Variants in SVEP1 observed in about 807,000 individuals in gnomAD.
SVEP1 encodes the protein sushi, von Willebrand factor type A, EGF and pentraxin domain containing 1.
In SVEP1, 164 loss-of-function variants were observed where a neutral mutation model predicts 367.3. That is an observed-to-expected ratio of 0.45 (90% CI 0.39 to 0.51). The LOEUF (loss-of-function observed/expected upper bound fraction) is 0.51. SVEP1 is among the 20% of genes least tolerant of loss of function. The probability of loss-of-function intolerance (pLI) is 0.00; values close to 1 mark genes in which losing one functional copy is unlikely to be tolerated. For missense variants in SVEP1, 4,117 were observed against 4,425.3 expected, an observed-to-expected ratio of 0.93 and a Z score of 1.98; for synonymous variants, 1,666 against 1,611.6, an observed-to-expected ratio of 1.03 and a Z score of -0.81.
intron 36 of SVEP1, among the ~76,000 whole-genome samples, chr9:110,412,654 G>A (rs1387135660): frequency 2.0e-5 from 3 of 151,544 alleles, no homozygotes; most frequent in Admixed American, 6.6e-5. Flanking sequence ...ATCTGACAAA[G>A]GGCTAATATC....
intron 13 of SVEP1, among the ~76,000 whole-genome samples, chr9:110,479,109 G>A (rs141825149): frequency 1.6e-3 from 237 of 151,962 alleles, no homozygotes; most frequent in African/African-American, 5.2e-3. Flanking sequence ...TACTAGAGAC[G>A]GGGTTTCACC....
At chr9:110,487,378 T>C (rs1261941415) in intron 9 of SVEP1, among the ~76,000 whole-genome samples, 3 of 152,228 alleles carry the variant, frequency 2.0e-5, no homozygotes, top group Admixed American at 6.5e-5. Flanking sequence ...CTGAACCACA[T>C]TTCCAAGTCT....
intron 15 of SVEP1, among the ~76,000 whole-genome samples, chr9:110,471,956 G>T (rs1375121610): frequency 6.6e-6 from 1 of 152,018 alleles, no homozygotes; most frequent in African/African-American, 2.4e-5. Flanking sequence ...AACGAAGTAG[G>T]GTGCTTTTCG....
chr9:110,464,403 A>C (rs1476718467), intron 18 of SVEP1, among the ~76,000 whole-genome samples: 2 of 152,204 alleles, frequency 1.3e-5, no homozygotes, highest in African/African-American at 4.8e-5. Flanking sequence ...AAACAGATGG[A>C]GTATATATAA....
intron 22 of SVEP1, among the ~76,000 whole-genome samples, chr9:110,453,264 T>C (rs1371642065): frequency 6.6e-6 from 1 of 152,104 alleles, no homozygotes. Flanking sequence ...CTCAGTACTC[T>C]CCATAATAAT....
chr9:110,392,373 T>C (rs921251613), intron 40 of SVEP1, among the ~76,000 whole-genome samples: 2 of 151,920 alleles, frequency 1.3e-5, no homozygotes, highest in African/African-American at 4.8e-5. Flanking sequence ...CTGACACTGT[T>C]TGTTGGATTT....
chr9:110,434,827 G>C (rs554807139), intron 29 of SVEP1, among the ~76,000 whole-genome samples: 113 of 151,786 alleles, frequency 7.4e-4, no homozygotes, highest in African/African-American at 2.5e-3. Flanking sequence ...ATACAGTTTT[G>C]ATCATTCAGT....
chr9:110,473,944 T>C (rs1254734493), intron 14 of SVEP1, among the ~76,000 whole-genome samples: 1 of 152,182 alleles, frequency 6.6e-6, no homozygotes, highest in Admixed American at 6.5e-5. Flanking sequence ...TCTTGCCAAC[T>C]GTGGGTATTA....
At chr9:110,383,155 T>A (rs1241432882) in intron 43 of SVEP1, among the ~76,000 whole-genome samples, 1 of 152,210 alleles carries the variant, frequency 6.6e-6, no homozygotes. Context: ...TTTTTGAGTT[T>A]TCAGTGTTTT....
In SVEP1 at chr9:110,376,000, C is replaced by A. The variant is rs149500978; in HGVS notation, c.10505-537G>T. On this transcript the variant is annotated intron_variant, in intron 45 of 47. Transcript: ENST00000374469. ...GACTGACGGTGACTGAATGATGCCTCCCGAACCCTGTTCATGACTATCATT... is the reference window on the plus strand; with the variant it reads ...GACTGACGGTGACTGAATGATGCCTACCGAACCCTGTTCATGACTATCATT... 2.0e-5 allele frequency among the ~76,000 whole-genome samples: 3 copies of A among 152,288 alleles called. No homozygotes were observed. The East Asian group carries it at 5.8e-4, about 29-fold the overall frequency.
chr9:110,441,967 GCC>G (rs1350823717), intron 27 of SVEP1, among the ~76,000 whole-genome samples: 2 of 152,036 alleles, frequency 1.3e-5, no homozygotes, highest in Admixed American at 1.3e-4. Context: ...GGCCATGTCC[GCC>G]CTCTCTACCT....
intron 7 of SVEP1, among the ~76,000 whole-genome samples, chr9:110,498,008 A>C (rs1003907142): frequency 1.3e-5 from 2 of 152,202 alleles, no homozygotes; most frequent in African/African-American, 4.8e-5. Context: ...ATTCATGCTT[A>C]AACAATAGCT....
At chr9:110,556,628 G>T (rs548708879) in intron 1 of SVEP1, among the ~76,000 whole-genome samples, 8 of 152,186 alleles carry the variant, frequency 5.3e-5, no homozygotes, top group African/African-American at 1.9e-4. Flanking sequence ...CCAAGTAGCT[G>T]GGATTACAGG....
chr9:110,365,542 C>T lies in SVEP1; in HGVS notation c.*997G>A, dbSNP rs1256235776. The T allele has an allele frequency of 6.6e-6, 1 of 152,132 alleles. No individual in the cohort carries two copies. Among genetic ancestry groups the T allele is most frequent in the African/African-American group, 2.4e-5 (1 of 41,414 alleles). The allele number at this position is 152,132 out of a possible 1,614,324, so 9.4% of individuals were successfully genotyped here. A position where few individuals can be genotyped will look rare whatever the true frequency, so the allele number is the denominator to read the frequency against. ...AAAATCTAGGGTTTGACTTTATTTT[C>T]TGAAGTCTGGGGAAGGCTTCATCTT... On this transcript the variant is annotated 3_prime_UTR_variant, in exon 48 of 48. Coordinates refer to ENST00000374469, the MANE Select transcript of SVEP1 (RefSeq NM_153366.4).
chr9:110,579,469 G>A lies in SVEP1; in HGVS notation c.75C>T (p.Ser25=), dbSNP rs756408240. 6.2e-6 allele frequency: 10 copies of A among 1,603,586 alleles called. No individual in the cohort carries two copies. The highest frequency in any genetic ancestry group is 1.7e-5 in the Admixed American group (1 of 59,130). The part of the protein sequence containing the change: ...VSGWATFQQM[S]PSRNFSFRLF... ...GGCGGAAGCTGAAATTGCGCGACGG[G>A]GACATCTGCTGAAAGGTCGCCCAGC... Residue 25 remains serine (S), a synonymous_variant, in exon 1 of 48, where the codon TCC becomes TCT. Transcript: ENST00000374469. This position sits in a 1 kb window ranked among gnomAD's most constrained non-coding sequence, Gnocchi z 5.3.
chr9:110,551,647 C>A (rs532419587), intron 1 of SVEP1, among the ~76,000 whole-genome samples: 3 of 152,256 alleles, frequency 2.0e-5, no homozygotes, highest in African/African-American at 7.2e-5. Context: ...CACCAAGAAG[C>A]CCAATCAACA....
chr9:110,446,185 C>A, intron 25 of SVEP1, 147 bp from the exon 26 acceptor site: 2 of 691,296 alleles, frequency 2.9e-6, no homozygotes, highest in Non-Finnish European at 4.8e-6. Flanking sequence ...ATATTATTTA[C>A]AAAATACATA....
At chr9:110,534,259 A>G (rs1265959790) in intron 3 of SVEP1, among the ~76,000 whole-genome samples, 1 of 152,064 alleles carries the variant, frequency 6.6e-6, no homozygotes, top group Non-Finnish European at 1.5e-5. Flanking sequence ...GCTCCCACTT[A>G]CAAGTAAGAA....
chr9:110,476,400 T>G, intron 13 of SVEP1, 85 bp from the exon 14 acceptor site: 1 of 993,490 alleles, frequency 1.0e-6, no homozygotes, highest in Non-Finnish European at 1.6e-6. Flanking sequence ...GGCCTTCACG[T>G]CTCCATCAGC....
Sources: allele counts gnomAD v4.1 joint callset (sites outside exome capture counted in the v4.1 genomes callset), GRCh38; gene constraint gnomAD v4.1.1; non-coding constraint Gnocchi (gnomAD v3.1); transcripts MANE v1.5; gene names NCBI Gene and HGNC (gene_info 2026-07-23, HGNC 2026-07-21).